The following SRP19 variants were observed in gnomAD, a reference collection of about 807,000 sequenced individuals.
The protein encoded by SRP19 is signal recognition particle 19, also known as signal recognition particle 19 kDa protein.
SRP19 carries 11 observed loss-of-function variants against 22.4 expected under a neutral mutation model. The ratio of observed to expected loss-of-function variants is 0.49; its 90% CI spans 0.31 to 0.81. The LOEUF (loss-of-function observed/expected upper bound fraction) is 0.81, where lower values mean the gene tolerates loss of function less well. Ranked by LOEUF, SRP19 falls within the 40% of genes least tolerant of loss-of-function variation. The pLI, the probability that SRP19 is intolerant of heterozygous loss-of-function variation, is 0.05. For missense variants in SRP19, 168 were observed against 175.9 expected (o/e 0.96, Z 0.25); for synonymous variants, 61 against 57.6 (o/e 1.06, Z -0.27).
At position 112,862,488 on chromosome 5, in the gene SRP19, T is replaced by A; in HGVS notation, c.42-20T>A. 1 of 1,609,648 alleles carries A rather than the reference T, an allele frequency of 6.2e-7. No homozygotes were observed. Among genetic ancestry groups the A allele is most frequent in the Non-Finnish European group, 8.5e-7 (1 of 1,175,942 alleles). On this transcript the variant is annotated intron_variant, in intron 1 of 4. Transcript: ENST00000505459. ...CTCTTACTGCTCTAGTGATACCACT[T>A]ATGCTATTGTCTATGGCAGGTTTAT...
intron 4 of SRP19, among the ~76,000 whole-genome samples, chr5:112,890,742 A>C (rs1389822813): frequency 1.3e-5 from 2 of 150,756 alleles, no homozygotes; most frequent in African/African-American, 4.9e-5. Context: ...CAAAGAGTTA[A>C]TATAGTATAT....
intron 4 of SRP19, chr5:112,876,914 C>A (rs1279400488): frequency 1.3e-5 from 2 of 152,018 alleles, no homozygotes; most frequent in Non-Finnish European, 2.9e-5. Context: ...AACTTTTGTA[C>A]CTCCTCATCT....
At chr5:112,895,801 CCACACAG>C (rs1230661836), downstream of SRP19, 1 of 152,148 alleles carries the variant, frequency 6.6e-6, no homozygotes, top group African/African-American at 2.4e-5. Flanking sequence ...TTAAAGTCAC[CCACACAG>C]ATCTGGCTCT....
At chr5:112,890,955 G>C (rs1475257982) in intron 4 of SRP19, among the ~76,000 whole-genome samples, 1 of 150,694 alleles carries the variant, frequency 6.6e-6, no homozygotes, top group Non-Finnish European at 1.5e-5. Context: ...GACTTTCTCT[G>C]ACCCAAGAAT....
chr5:112,862,826 G>A (rs1343522723), intron 2 of SRP19, among the ~76,000 whole-genome samples: 3 of 152,166 alleles, frequency 2.0e-5, no homozygotes, highest in South Asian at 2.1e-4. Context: ...AGGAGTGGGG[G>A]CAGAGTGTAG....
chr5:112,870,221 T>A (rs1347766936), downstream of SRP19, among the ~76,000 whole-genome samples: 2 of 152,152 alleles, frequency 1.3e-5, no homozygotes, highest in Non-Finnish European at 2.9e-5. Flanking sequence ...GTACAGTGGC[T>A]CACACCTATA....
At position 112,864,741 on chromosome 5, in the gene SRP19, G is replaced by C. The variant is rs1463565864; in HGVS notation, c.301+9G>C. The C allele has an allele frequency of 4.4e-6, 7 of 1,597,222 alleles. No homozygotes were observed. The highest frequency in any genetic ancestry group is 4.3e-6 in the Non-Finnish European group (5 of 1,168,910). Reference sequence around the variant, plus strand: ...TGTACAGTTCCCATCACGTAAGCTTGTTTAAATGAATCAGTGGGGCTCAGG... The same window carrying C: ...TGTACAGTTCCCATCACGTAAGCTTCTTTAAATGAATCAGTGGGGCTCAGG... On this transcript the variant is annotated intron_variant, in intron 4 of 4. Transcript: ENST00000505459.
chr5:112,888,713 G>A (rs1768340098), intron 4 of SRP19, among the ~76,000 whole-genome samples: 1 of 150,946 alleles, frequency 6.6e-6, no homozygotes, highest in African/African-American at 2.5e-5. Flanking sequence ...TGTTACACAT[G>A]CACAAGAGTT....
Position 112,886,651 on chromosome 5 carries a change from C to A in SRP19, c.302-4952C>A, listed in dbSNP as rs935510012. Among the ~76,000 whole-genome samples, 5 of 151,996 alleles carry A rather than the reference C, an allele frequency of 3.3e-5. No individual in the cohort carries two copies. The East Asian group carries it at 9.6e-4, about 29-fold the overall frequency. ...GTATAGCTTTTGAAAGGTGCTTTCT[C>A]CATTTATTTAAAACTACCTATGTAA... On this transcript the variant is annotated intron_variant, in intron 4 of 4. Coordinates refer to the SRP19 transcript ENST00000391338.
intron 2 of SRP19, 141 bp from the exon 3 acceptor site, chr5:112,864,316 A>C: frequency 1.5e-6 from 1 of 667,410 alleles, no homozygotes; most frequent in Non-Finnish European, 2.6e-6. Flanking sequence ...AAATTACAAT[A>C]GAAGCATCTG....
chr5:112,883,033 C>T (rs1351269887), intron 4 of SRP19, among the ~76,000 whole-genome samples: 1 of 152,226 alleles, frequency 6.6e-6, no homozygotes, highest in African/African-American at 2.4e-5. Flanking sequence ...AAGGACAGAG[C>T]TCCAACAATT....
chr5:112,870,388 G>A (rs1767730859), downstream of SRP19, among the ~76,000 whole-genome samples: 1 of 152,106 alleles, frequency 6.6e-6, no homozygotes, highest in Admixed American at 6.6e-5. Flanking sequence ...AGGCTGAGGT[G>A]GGAGGACTGC....
downstream of SRP19, among the ~76,000 whole-genome samples, chr5:112,870,983 G>C (rs1767745701): frequency 3.9e-5 from 6 of 152,112 alleles, no homozygotes; most frequent in South Asian, 1.2e-3. Context: ...CTCCCGAGTA[G>C]CTGGGATTAC....
chr5:112,862,693 T>A (rs1166765808), intron 2 of SRP19, 110 bp downstream of exon 2: 2 of 939,298 alleles, frequency 2.1e-6, no homozygotes, highest in Non-Finnish European at 1.6e-6. Flanking sequence ...TGCATTTATT[T>A]AGGGCTTGAG....
At chr5:112,878,690 C>T (rs542283204) in intron 4 of SRP19, 7 of 1,508,950 alleles carry the variant, frequency 4.6e-6, no homozygotes, top group African/African-American at 1.4e-5. Context: ...GTTTCCAAGG[C>T]AACATTATTA....
At chr5:112,865,605 A>AT (rs764675780) in intron 4 of SRP19, among the ~76,000 whole-genome samples, 8,424 of 144,958 alleles carry the variant, frequency 0.058, 548 homozygotes, top group East Asian at 0.16. Context: ...AGCTTGTTTG[A>AT]TTTTTTTTTT....
intron 4 of SRP19, among the ~76,000 whole-genome samples, chr5:112,886,317 G>C (rs545354234): frequency 6.6e-6 from 1 of 152,284 alleles, no homozygotes; most frequent in African/African-American, 2.4e-5. Flanking sequence ...CAGAACTATA[G>C]GTTTTGAGGT....
chr5:112,894,271 C>T (rs1344744999), downstream of SRP19: 2 of 152,184 alleles, frequency 1.3e-5, no homozygotes, highest in African/African-American at 4.8e-5. Context: ...AGGCGCATGC[C>T]ACCGTGCCCA....
intron 2 of SRP19, among the ~76,000 whole-genome samples, chr5:112,863,135 T>A (rs1358349696): frequency 6.6e-6 from 1 of 152,208 alleles, no homozygotes; most frequent in African/African-American, 2.4e-5. Flanking sequence ...CCAGGAAGAT[T>A]GCTTTATGTT....
Sources: allele counts gnomAD v4.1 joint callset (sites outside exome capture counted in the v4.1 genomes callset), GRCh38; gene constraint gnomAD v4.1.1; transcripts MANE v1.5; gene names NCBI Gene and HGNC (gene_info 2026-07-23, HGNC 2026-07-21).